Variants in DACH2 observed in about 807,000 individuals in gnomAD.
DACH2 encodes the protein dachshund homolog 2.
A neutral mutation model predicts 35.8 loss-of-function variants in DACH2; 17 were observed. The observed-to-expected ratio is 0.48, with a 90% confidence interval of 0.33 to 0.71. The LOEUF (loss-of-function observed/expected upper bound fraction) is 0.71. Among genes scored for constraint, DACH2 ranks in the 30% least tolerant of loss-of-function variants. The probability of loss-of-function intolerance (pLI) is 0.02; values close to 1 mark genes in which losing one functional copy is unlikely to be tolerated. For missense variants in DACH2, 469 were observed against 472.7 expected, an observed-to-expected ratio of 0.99 and a Z score of 0.07; for synonymous variants, 195 against 177.3, an observed-to-expected ratio of 1.10 and a Z score of -0.79.
intron 4 of DACH2, among the ~76,000 whole-genome samples, chrX:86,657,047 A>G (rs934918621): frequency 1.9e-5 from 2 of 107,339 alleles, no homozygotes; most frequent in African/African-American, 6.8e-5. Flanking sequence ...AATTAAAATG[A>G]GTGAATACAT....
At chrX:86,441,698 TTTAA>T (rs1035915283) in intron 2 of DACH2, among the ~76,000 whole-genome samples, 1 of 109,983 alleles carries the variant, frequency 9.1e-6, no homozygotes, top group African/African-American at 3.3e-5. Context: ...TAATTTTATT[TTTAA>T]TTATTTGAGG....
chrX:86,645,620 G>T lies in DACH2; in HGVS notation c.641-5416G>T, dbSNP rs1418712644. Reference sequence around the variant, plus strand: ...GCATGCAAATGTTCACTGCAGCACTGTTCACAATGCTAGGGACATGGAATC... The same window carrying T: ...GCATGCAAATGTTCACTGCAGCACTTTTCACAATGCTAGGGACATGGAATC... On this transcript the variant is annotated intron_variant, in intron 3 of 11. Coordinates refer to ENST00000373125, the MANE Select transcript of DACH2 (RefSeq NM_053281.3). Among the ~76,000 whole-genome samples, 3 of 111,069 alleles carry T rather than the reference G, an allele frequency of 2.7e-5. No homozygotes were observed. In the East Asian group the frequency reaches 8.6e-4, roughly 32 times the overall value.
intron 7 of DACH2, among the ~76,000 whole-genome samples, chrX:86,783,742 C>T (rs1434535483): frequency 9.0e-6 from 1 of 111,229 alleles, no homozygotes; most frequent in African/African-American, 3.3e-5. Flanking sequence ...CACAGAAAGT[C>T]AAACATAGCA....
intron 2 of DACH2, among the ~76,000 whole-genome samples, chrX:86,398,604 A>G (rs1334215916): frequency 3.6e-5 from 4 of 111,501 alleles, no homozygotes; most frequent in Non-Finnish European, 7.5e-5. Context: ...TGTTCTCGTT[A>G]GTTTCAAAGA....
chrX:86,472,770 T>G (rs1381132319), intron 2 of DACH2, among the ~76,000 whole-genome samples: 1 of 111,905 alleles, frequency 8.9e-6, no homozygotes, highest in Non-Finnish European at 1.9e-5. Context: ...TAATAGGGTT[T>G]ATAAGTGGAG....
At chrX:86,336,099 C>T (rs2035304340) in intron 1 of DACH2, among the ~76,000 whole-genome samples, 1 of 111,546 alleles carries the variant, frequency 9.0e-6, no homozygotes, top group Admixed American at 9.6e-5. Flanking sequence ...GGTATGAAGC[C>T]AACTTGATCA....
intron 3 of DACH2, among the ~76,000 whole-genome samples, chrX:86,620,273 A>G (rs1301773761): frequency 3.6e-5 from 4 of 111,816 alleles, no homozygotes; most frequent in African/African-American, 9.7e-5. Flanking sequence ...GTACATAGAA[A>G]AAGGCCGTGA....
chrX:86,294,378 C>A (rs1359515694), intron 1 of DACH2, among the ~76,000 whole-genome samples: 4 of 109,559 alleles, frequency 3.7e-5, no homozygotes, highest in Non-Finnish European at 1.9e-5. Flanking sequence ...AATGTCCTCC[C>A]GTAGCTCAGA....
intron 5 of DACH2, among the ~76,000 whole-genome samples, chrX:86,712,486 A>G (rs896758946): frequency 1.8e-5 from 2 of 110,234 alleles, no homozygotes; most frequent in African/African-American, 3.3e-5. Context: ...TATATTAATT[A>G]GCTTTATTTA....
At chrX:86,650,187 A>T (rs2040461908) in intron 3 of DACH2, among the ~76,000 whole-genome samples, 2 of 109,788 alleles carry the variant, frequency 1.8e-5, no homozygotes, top group African/African-American at 6.6e-5. Flanking sequence ...ATTACCCCAC[A>T]CCCCACCTTT....
At chrX:86,667,545 G>GAAAGAAGAAAGAAAGA (rs1556364144) in intron 4 of DACH2, among the ~76,000 whole-genome samples, 4 of 31,356 alleles carry the variant, frequency 1.3e-4, no homozygotes, top group Admixed American at 3.8e-4. Flanking sequence ...AAGAAAGAAA[G>GAAAGAAGAAAGAAAGA]AAGAAAGAAA....
chrX:86,514,111 G>A (rs188353914), intron 2 of DACH2, among the ~76,000 whole-genome samples, 168 bp from the exon 3 acceptor site: 17 of 111,752 alleles, frequency 1.5e-4, no homozygotes, highest in East Asian at 1.4e-3. Context: ...AAAATTTAGC[G>A]GAAAGTAAAG....
chrX:86,816,071 G>T lies in DACH2; in HGVS notation c.1722G>T (p.Gly574=). Residue 574 remains glycine, a synonymous_variant, in exon 11 of 12, where the codon GGG becomes GGT. Transcript: ENST00000373125. ...GIPDIEIENN[G]TPHDSAAMQG... is the part of the protein sequence containing the mutation. ...CAGATATTGAAATAGAAAACAATGG[G>T]ACTCCTCATGATAGTGCTGCTATGC... The T allele has an allele frequency of 2.5e-6, 3 of 1,187,233 alleles. No homozygotes were observed. The highest frequency in any genetic ancestry group is 3.4e-6 in the Non-Finnish European group (3 of 883,310).
intron 2 of DACH2, among the ~76,000 whole-genome samples, chrX:86,467,512 G>T (rs2037691556): frequency 9.0e-6 from 1 of 111,516 alleles, no homozygotes; most frequent in South Asian, 3.7e-4. Flanking sequence ...GTCTTAGAAA[G>T]TTCCAAACTT....
At chrX:86,778,686 C>T (rs1305856170) in intron 7 of DACH2, among the ~76,000 whole-genome samples, 2 of 111,381 alleles carry the variant, frequency 1.8e-5, no homozygotes, top group Non-Finnish European at 3.8e-5. Context: ...TCTCAGCTCA[C>T]TGCAACCTCT....
intron 4 of DACH2, among the ~76,000 whole-genome samples, 179 bp downstream of exon 4, chrX:86,651,346 G>A (rs957337684): frequency 8.9e-6 from 1 of 112,096 alleles, no homozygotes; most frequent in Non-Finnish European, 1.9e-5. Context: ...ACAGTTACAA[G>A]TCATAATCTC....
chrX:86,783,739 A>G (rs1186342258), intron 7 of DACH2, among the ~76,000 whole-genome samples: 1 of 111,700 alleles, frequency 9.0e-6, no homozygotes, highest in Non-Finnish European at 1.9e-5. Flanking sequence ...AGTCACAGAA[A>G]GTCAAACATA....
At chrX:86,769,318 C>T (rs915116759) in intron 7 of DACH2, among the ~76,000 whole-genome samples, 1 of 111,940 alleles carries the variant, frequency 8.9e-6, no homozygotes, top group Non-Finnish European at 1.9e-5. Flanking sequence ...GCATTCCATG[C>T]TCATGGATTG....
chrX:86,630,751 C>T lies in DACH2; in HGVS notation c.641-20285C>T, dbSNP rs188854801. On this transcript the variant is annotated intron_variant, in intron 3 of 11. Transcript: ENST00000373125. ...TGTCGCCCAGGCTGGAGTGCAGTGG[C>T]GTGATCTCAGCTCACTGCAACTTCC... 2.1e-3 allele frequency among the ~76,000 whole-genome samples: 225 copies of T among 109,094 alleles called. 1 individual carries two copies. The highest frequency in any genetic ancestry group is 2.8e-3 in the Non-Finnish European group (145 of 52,524). 94.7% of individuals were successfully genotyped at this position (109,094 alleles called of 115,157 possible). A position where few individuals can be genotyped will look rare whatever the true frequency, so the allele number is the denominator to read the frequency against.
Sources: allele counts gnomAD v4.1 joint callset (sites outside exome capture counted in the v4.1 genomes callset), GRCh38; gene constraint gnomAD v4.1.1; transcripts MANE v1.5; gene names NCBI Gene and HGNC (gene_info 2026-07-23, HGNC 2026-07-21).